NR6A1: variants seen among roughly 807,000 people sequenced by gnomAD.
NR6A1 encodes the protein retinoic acid receptor-related testis-associated receptor.
A neutral mutation model predicts 59.1 loss-of-function variants in NR6A1; 7 were observed. The observed-to-expected ratio is 0.12, with a 90% CI of 0.07 to 0.22. NR6A1 has a LOEUF of 0.22. Among genes scored for constraint, NR6A1 ranks in the 10% least tolerant of loss-of-function variants. The probability of loss-of-function intolerance (pLI) is 1.00; values close to 1 mark genes in which losing one functional copy is unlikely to be tolerated. For missense variants in NR6A1, 468 were observed against 611.6 expected (o/e 0.77, Z 2.48); for synonymous variants, 243 against 236.1 (o/e 1.03, Z -0.27).
At position 124,631,870 on chromosome 9, in the gene NR6A1, C is replaced by T. The variant is rs145274466; in HGVS notation, c.143-77300G>A. On this transcript the variant is annotated intron_variant, in intron 2 of 9. Transcript: ENST00000487099. Reference sequence around the variant, plus strand: ...TATGTGTTGTTCCCCTCTATGTGGCCGTGTGTTCTCATCATTTAGCTCCTA... The same window carrying T: ...TATGTGTTGTTCCCCTCTATGTGGCTGTGTGTTCTCATCATTTAGCTCCTA... 6.7e-3 allele frequency among the ~76,000 whole-genome samples: 1,021 copies of T among 152,240 alleles called. 8 individuals are homozygous for T. Among genetic ancestry groups the T allele is most frequent in the African/African-American group, 0.023 (956 of 41,544 alleles).
chr9:124,708,489 T>C (rs769383697), intron 2 of NR6A1, among the ~76,000 whole-genome samples: 4 of 152,236 alleles, frequency 2.6e-5, no homozygotes, highest in Non-Finnish European at 4.4e-5. Context: ...ATGCCAGATA[T>C]AAATGTCTTT....
At chr9:124,587,229 C>T (rs1834962452) in intron 2 of NR6A1, among the ~76,000 whole-genome samples, 1 of 152,196 alleles carries the variant, frequency 6.6e-6, no homozygotes, top group Non-Finnish European at 1.5e-5. Context: ...CATAATGCTA[C>T]TCCACACATA....
intron 2 of NR6A1, among the ~76,000 whole-genome samples, chr9:124,714,861 G>A (rs1334517607): frequency 1.3e-5 from 2 of 152,070 alleles, no homozygotes; most frequent in African/African-American, 4.8e-5. Context: ...AAAAAAGAAA[G>A]ATGACCTAAA....
intron 1 of NR6A1, among the ~76,000 whole-genome samples, chr9:124,769,937 A>C (rs1202085757): frequency 6.6e-6 from 1 of 152,240 alleles, no homozygotes; most frequent in South Asian, 2.1e-4. Context: ...CGCGGCAAAC[A>C]CCGAGGAGGA....
At chr9:124,624,742 T>C (rs929831242) in intron 2 of NR6A1, among the ~76,000 whole-genome samples, 5 of 152,222 alleles carry the variant, frequency 3.3e-5, no homozygotes, top group Non-Finnish European at 5.9e-5. Context: ...TTGCCATTGG[T>C]GGAGGCTCTG....
At chr9:124,571,764 G>C (rs144800489) in intron 2 of NR6A1, among the ~76,000 whole-genome samples, 1 of 152,166 alleles carries the variant, frequency 6.6e-6, no homozygotes, top group Non-Finnish European at 1.5e-5. Context: ...CAGAGGGGCT[G>C]AGAGTAGTTC....
intron 2 of NR6A1, among the ~76,000 whole-genome samples, chr9:124,719,223 A>G (rs1839493784): frequency 6.6e-6 from 1 of 151,656 alleles, no homozygotes; most frequent in South Asian, 2.1e-4. Flanking sequence ...AGTAGCTGGG[A>G]CTACAGACAT....
At chr9:124,615,938 G>A (rs1048040998) in intron 2 of NR6A1, among the ~76,000 whole-genome samples, 2 of 151,992 alleles carry the variant, frequency 1.3e-5, no homozygotes, top group Non-Finnish European at 2.9e-5. Context: ...TGTTGGTCAG[G>A]CTGGTCTTGA....
At position 124,733,291 on chromosome 9, in the gene NR6A1, T is replaced by C; in HGVS notation, c.142+17A>G. On this transcript the variant is annotated intron_variant, in intron 2 of 9. Coordinates refer to ENST00000487099, the MANE Select transcript of NR6A1 (RefSeq NM_033334.4). ...CCTTTTCTTACCAAAGAATATTGGG[T>C]AACATTGAGAACTTACTAGTGCCTG... 1 of 1,594,914 alleles carries C rather than the reference T, an allele frequency of 6.3e-7. No homozygotes were observed. Among genetic ancestry groups the C allele is most frequent in the Non-Finnish European group, 8.6e-7 (1 of 1,162,556 alleles).
At chr9:124,728,708 G>A (rs555952425) in intron 2 of NR6A1, among the ~76,000 whole-genome samples, 110 of 152,092 alleles carry the variant, frequency 7.2e-4, no homozygotes, top group African/African-American at 2.3e-3. Context: ...AATGCTTGGG[G>A]TAGTTTTTCC....
chr9:124,691,337 T>C (rs1334074053), intron 2 of NR6A1, among the ~76,000 whole-genome samples: 1 of 152,210 alleles, frequency 6.6e-6, no homozygotes, highest in Admixed American at 6.5e-5. Flanking sequence ...CGTGTACCAT[T>C]TGGCTGCTTT....
chr9:124,620,795 CAT>C (rs1836046600), intron 2 of NR6A1, among the ~76,000 whole-genome samples: 1 of 149,410 alleles, frequency 6.7e-6, no homozygotes, highest in South Asian at 2.1e-4. Flanking sequence ...ATATGTGAAA[CAT>C]GTCTCATTGT....
At chr9:124,588,120 C>CT (rs1360597309) in intron 2 of NR6A1, among the ~76,000 whole-genome samples, 1 of 152,164 alleles carries the variant, frequency 6.6e-6, no homozygotes, top group Non-Finnish European at 1.5e-5. Context: ...TAAATCGAGT[C>CT]TAAGTTCTTG....
At chr9:124,557,478 T>C (rs1833963402) in intron 2 of NR6A1, among the ~76,000 whole-genome samples, 1 of 152,158 alleles carries the variant, frequency 6.6e-6, no homozygotes. Flanking sequence ...TGAGTTTCTG[T>C]TGTTTGCAAC....
intron 2 of NR6A1, among the ~76,000 whole-genome samples, chr9:124,649,146 G>T (rs1303695032): frequency 7.4e-6 from 1 of 134,968 alleles, no homozygotes; most frequent in Non-Finnish European, 1.5e-5. Flanking sequence ...AAGCAATCCT[G>T]AACTAAAAGA....
At chr9:124,551,761 A>G (rs1208463849) in intron 3 of NR6A1, among the ~76,000 whole-genome samples, 1 of 152,254 alleles carries the variant, frequency 6.6e-6, no homozygotes, top group Non-Finnish European at 1.5e-5. Flanking sequence ...TTTCACATAT[A>G]GTAACATTTA....
At chr9:124,728,119 C>T (rs951120017) in intron 2 of NR6A1, among the ~76,000 whole-genome samples, 34 of 151,970 alleles carry the variant, frequency 2.2e-4, no homozygotes, top group African/African-American at 7.7e-4. Flanking sequence ...CTCTGCCTCC[C>T]GGGTTCACAC....
At chr9:124,612,625 A>G (rs987036636) in intron 2 of NR6A1, among the ~76,000 whole-genome samples, 4 of 152,192 alleles carry the variant, frequency 2.6e-5, no homozygotes, top group African/African-American at 4.8e-5. Flanking sequence ...CTGGGTTAGC[A>G]GATGGGCCAG....
At chr9:124,673,537 C>G (rs2130973601) in intron 2 of NR6A1, among the ~76,000 whole-genome samples, 1 of 152,212 alleles carries the variant, frequency 6.6e-6, no homozygotes, top group Admixed American at 6.5e-5. Context: ...GTCCTAGCTA[C>G]TTGGGAGGCT....
Sources: allele counts gnomAD v4.1 joint callset (sites outside exome capture counted in the v4.1 genomes callset), GRCh38; gene constraint gnomAD v4.1.1; transcripts MANE v1.5; gene names NCBI Gene and HGNC (gene_info 2026-07-23, HGNC 2026-07-21).